UHRF1: variants seen among roughly 807,000 people sequenced by gnomAD.
UHRF1 encodes E3 ubiquitin-protein ligase UHRF1.
A neutral mutation model predicts 96.5 loss-of-function variants in UHRF1; 9 were observed. That is an observed-to-expected ratio of 0.09 (90% confidence interval 0.06 to 0.16). The LOEUF (loss-of-function observed/expected upper bound fraction) is 0.16. Ranked by LOEUF, UHRF1 falls within the 10% of genes least tolerant of loss-of-function variation. The pLI is 1.00. For synonymous variants in UHRF1, 455 were observed against 469.9 expected (o/e 0.97, Z 0.41); for missense variants, 626 against 1,131.1 (o/e 0.55, Z 6.40).
rs559362196 is a variant in UHRF1 at position 4,930,031 on chromosome 19, G to A, written c.408+555G>A. Among the ~76,000 whole-genome samples the A allele has an allele frequency of 4.9e-4, 74 of 152,232 alleles. No individual in the cohort carries two copies. Among genetic ancestry groups the A allele is most frequent in the African/African-American group, 1.6e-3 (68 of 41,546 alleles). The stretch of plus-strand genomic sequence containing the variant: ...ATTCTGTCGCCCAGGCTGGAGTACA[G>A]TGGTGCCATCTCGGCTCATTGCAAC... On this transcript the variant is annotated intron_variant, in intron 3 of 16. Coordinates refer to ENST00000650932, the MANE Select transcript of UHRF1 (RefSeq NM_001048201.3). This position sits in a 1 kb window ranked among gnomAD's most constrained non-coding sequence, Gnocchi z 4.4.
At chr19:4,911,416 A>G (rs1322092495) in intron 2 of UHRF1, among the ~76,000 whole-genome samples, 1 of 152,172 alleles carries the variant, frequency 6.6e-6, no homozygotes, top group Non-Finnish European at 1.5e-5. Context: ...GGAGGGGACC[A>G]GGTTTTCTTT....
intron 11 of UHRF1, 36 bp from the exon 12 acceptor site, chr19:4,950,575 C>T (rs758971823): frequency 1.3e-6 from 2 of 1,593,926 alleles, no homozygotes; most frequent in African/African-American, 1.4e-5. Flanking sequence ...GGTACATCCT[C>T]ACCTATAATG....
At chr19:4,956,848 G>T (rs529646617) in intron 16 of UHRF1, 35 bp downstream of exon 16, 1 of 1,483,840 alleles carries the variant, frequency 6.7e-7, no homozygotes, top group Non-Finnish European at 9.3e-7. Flanking sequence ...CGGGTGGAAG[G>T]TTCTGGAAGG....
chr19:4,959,854 T>G (rs566866524), intron 16 of UHRF1, among the ~76,000 whole-genome samples: 38 of 151,682 alleles, frequency 2.5e-4, no homozygotes, highest in Non-Finnish European at 4.7e-4. Context: ...CCCGGCTAAT[T>G]TTTTTGTTTT....
intron 5 of UHRF1, among the ~76,000 whole-genome samples, chr19:4,936,346 A>G (rs1328718355): frequency 2.0e-5 from 3 of 152,168 alleles, no homozygotes; most frequent in Non-Finnish European, 2.9e-5. Flanking sequence ...CTGTCTTAGG[A>G]GGCACCCAGC....
chr19:4,929,133 G>C, intron 2 of UHRF1, 89 bp from the exon 3 acceptor site: 2 of 1,520,746 alleles, frequency 1.3e-6, no homozygotes, highest in African/African-American at 1.4e-5. Flanking sequence ...ACAAGGGCTG[G>C]GACACAGTGT....
chr19:4,944,974 C>T (rs1195614105), intron 9 of UHRF1, among the ~76,000 whole-genome samples: 3 of 152,202 alleles, frequency 2.0e-5, no homozygotes, highest in Admixed American at 6.5e-5. Flanking sequence ...CAACCAGAAA[C>T]GTCTGCAGAC....
intron 11 of UHRF1, among the ~76,000 whole-genome samples, chr19:4,950,243 T>TA (rs903976500): frequency 2.1e-5 from 3 of 142,800 alleles, no homozygotes; most frequent in African/African-American, 7.7e-5. Context: ...TTTGAAATAT[T>TA]AAATTTTTTT....
At chr19:4,910,440 C>G (rs1411914668) in intron 1 of UHRF1, 1 of 153,148 alleles carries the variant, frequency 6.5e-6, no homozygotes, top group African/African-American at 2.4e-5. Context: ...TGGTTGAGTT[C>G]CCCCGGGACT....
chr19:4,923,166 G>C (rs376856377), intron 2 of UHRF1, among the ~76,000 whole-genome samples: 10 of 152,296 alleles, frequency 6.6e-5, no homozygotes, highest in African/African-American at 2.4e-4. Flanking sequence ...CTGCCTCCCT[G>C]CTTAACTCTG....
chr19:4,944,702 C>T (rs974083969), intron 9 of UHRF1, among the ~76,000 whole-genome samples: 1 of 152,212 alleles, frequency 6.6e-6, no homozygotes, highest in Non-Finnish European at 1.5e-5. Context: ...AAGCTCCTGT[C>T]CCAGGGAAGG....
Position 4,954,634 on chromosome 19 carries a change from C to G in UHRF1, c.1958-16C>G. 6.2e-7 allele frequency: 1 copy of G among 1,610,992 alleles called. No homozygotes were observed. The highest frequency in any genetic ancestry group is 8.5e-7 in the Non-Finnish European group (1 of 1,178,510). Reference sequence around the variant, plus strand: ...GGGCCACGCGCCCCTCCCTCACGCGCCCCACCCTCTTCCAGGAGGTGGCCC... The same window carrying G: ...GGGCCACGCGCCCCTCCCTCACGCGGCCCACCCTCTTCCAGGAGGTGGCCC... On this transcript the variant is annotated splice_polypyrimidine_tract_variant and intron_variant, in intron 14 of 16. Transcript: ENST00000650932. The surrounding 1 kb of genome is among the most constrained non-coding windows in gnomAD (Gnocchi z 5.9).
At chr19:4,937,088 A>G (rs1011538563) in intron 5 of UHRF1, among the ~76,000 whole-genome samples, 2 of 151,678 alleles carry the variant, frequency 1.3e-5, no homozygotes, top group African/African-American at 2.4e-5. Flanking sequence ...CTCCATTCAT[A>G]CAATTTTGTA....
In UHRF1 at chr19:4,930,387, C is replaced by T. The variant is rs906899629; in HGVS notation, c.409-329C>T. On this transcript the variant is annotated intron_variant, in intron 3 of 16. Transcript: ENST00000650932. The surrounding 1 kb of genome is among the most constrained non-coding windows in gnomAD (Gnocchi z 4.4). ...CCTCCCAAAGTGCTGGTATTCCAGGCGTGAGCCACGACGCCCTGCCTGGAT... is the reference window on the plus strand; with the variant it reads ...CCTCCCAAAGTGCTGGTATTCCAGGTGTGAGCCACGACGCCCTGCCTGGAT... Among the ~76,000 whole-genome samples the T allele has an allele frequency of 1.3e-4, 20 of 152,174 alleles. No homozygotes were observed. The highest frequency in any genetic ancestry group is 3.6e-4 in the African/African-American group (15 of 41,444).
intron 5 of UHRF1, among the ~76,000 whole-genome samples, chr19:4,933,204 CAG>C (rs755322166): frequency 2.0e-5 from 3 of 152,176 alleles, no homozygotes; most frequent in Non-Finnish European, 2.9e-5. Context: ...CCCTGACAGG[CAG>C]AGTTGTCAAA....
chr19:4,953,242 G>T (rs893447133), intron 13 of UHRF1, among the ~76,000 whole-genome samples: 1 of 152,078 alleles, frequency 6.6e-6, no homozygotes, highest in African/African-American at 2.4e-5. Context: ...ATGCACAGGC[G>T]TCCCCCCCTT....
rs529552350 is a variant in UHRF1 at position 4,925,414 on chromosome 19, T to C, written c.154-3808T>C. 3.9e-4 allele frequency among the ~76,000 whole-genome samples: 60 copies of C among 152,282 alleles called. 1 individual carries two copies. Among genetic ancestry groups the C allele is most frequent in the Admixed American group, 3.5e-3 (54 of 15,282 alleles). On this transcript the variant is annotated intron_variant, in intron 2 of 16. Coordinates refer to ENST00000650932, the MANE Select transcript of UHRF1 (RefSeq NM_001048201.3). ...GCACTGCGTGGCCTTTTGTGTCTGG[T>C]GTTTCTCACTGAGTGTGATGTCCTC...
At chr19:4,926,322 A>G (rs2032870180) in intron 2 of UHRF1, among the ~76,000 whole-genome samples, 1 of 151,960 alleles carries the variant, frequency 6.6e-6, no homozygotes, top group East Asian at 1.9e-4. Flanking sequence ...CCTCTCCCCA[A>G]AGCCAGCTGC....
chr19:4,944,037 G>A (rs2033489002), intron 7 of UHRF1, 95 bp from the exon 8 acceptor site: 4 of 1,549,700 alleles, frequency 2.6e-6, no homozygotes, highest in Non-Finnish European at 3.5e-6. Context: ...GTGCCAGGCG[G>A]GGAGAGCCAT....
Sources: allele counts gnomAD v4.1 joint callset (sites outside exome capture counted in the v4.1 genomes callset), GRCh38; gene constraint gnomAD v4.1.1; non-coding constraint Gnocchi (gnomAD v3.1); transcripts MANE v1.5; gene names NCBI Gene and HGNC (gene_info 2026-07-23, HGNC 2026-07-21).